Variants in PHLDB2 observed in about 807,000 individuals in gnomAD.
PHLDB2 encodes pleckstrin homology-like domain family B member 2.
Under a neutral mutation model 123.6 loss-of-function variants are expected in PHLDB2, and 71 were observed. The observed-to-expected ratio is 0.57, with a 90% CI of 0.47 to 0.70. PHLDB2 has a LOEUF of 0.70. Among genes scored for constraint, PHLDB2 ranks in the 30% least tolerant of loss-of-function variants. PHLDB2 has a pLI of 0.00. For synonymous variants in PHLDB2, 547 were observed against 541.6 expected (o/e 1.01, Z -0.14); for missense variants, 1,446 against 1,519.5 (o/e 0.95, Z 0.80).
intron 1 of PHLDB2, among the ~76,000 whole-genome samples, chr3:111,733,765 T>A (rs1179187724): frequency 6.6e-6 from 1 of 152,248 alleles, no homozygotes. Flanking sequence ...CTAATATGAT[T>A]CACTCTTCCT....
chr3:111,758,952 T>G (rs1322615404), intron 1 of PHLDB2, among the ~76,000 whole-genome samples: 1 of 152,090 alleles, frequency 6.6e-6, no homozygotes, highest in Non-Finnish European at 1.5e-5. Context: ...CCTATCAATA[T>G]GGGGCCCAGG....
chr3:111,808,145 A>G (rs1257023910), intron 1 of PHLDB2, among the ~76,000 whole-genome samples: 2 of 152,078 alleles, frequency 1.3e-5, no homozygotes, highest in Non-Finnish European at 2.9e-5. Flanking sequence ...ATGTAAAACC[A>G]TTGTAAAGAA....
chr3:111,953,497 G>A (rs1276388048), intron 11 of PHLDB2, among the ~76,000 whole-genome samples: 1 of 152,180 alleles, frequency 6.6e-6, no homozygotes, highest in Non-Finnish European at 1.5e-5. Flanking sequence ...GGTGTTAATA[G>A]ATTTCTTCAG....
intron 1 of PHLDB2, among the ~76,000 whole-genome samples, chr3:111,764,551 G>A (rs1255136083): frequency 1.3e-5 from 2 of 152,026 alleles, no homozygotes; most frequent in African/African-American, 4.8e-5. Flanking sequence ...ATGTGGTGAG[G>A]TTTTGCCAGA....
intron 1 of PHLDB2, among the ~76,000 whole-genome samples, chr3:111,816,777 G>A (rs2062095045): frequency 6.6e-6 from 1 of 152,158 alleles, no homozygotes; most frequent in African/African-American, 2.4e-5. Context: ...TGAGATTTGA[G>A]AGGGGCCAAC....
intron 1 of PHLDB2, among the ~76,000 whole-genome samples, chr3:111,765,560 T>TA (rs1428557278): frequency 6.6e-6 from 1 of 152,210 alleles, no homozygotes; most frequent in Non-Finnish European, 1.5e-5. Flanking sequence ...TTAGCTGACT[T>TA]AAAACGGAGA....
At chr3:111,878,260 T>A (rs2065748837) in intron 1 of PHLDB2, among the ~76,000 whole-genome samples, 1 of 152,200 alleles carries the variant, frequency 6.6e-6, no homozygotes, top group Non-Finnish European at 1.5e-5. Flanking sequence ...CTTGAAGAGG[T>A]TCTTCACATC....
chr3:111,772,974 C>T (rs2060204001), intron 1 of PHLDB2, among the ~76,000 whole-genome samples: 1 of 152,192 alleles, frequency 6.6e-6, no homozygotes, highest in Non-Finnish European at 1.5e-5. Flanking sequence ...TCCATTTCCA[C>T]TCATGTGCAA....
At chr3:111,901,355 G>T (rs1489802907) in intron 2 of PHLDB2, among the ~76,000 whole-genome samples, 1 of 136,980 alleles carries the variant, frequency 7.3e-6, no homozygotes, top group Non-Finnish European at 1.6e-5. Flanking sequence ...GTGAGACTCT[G>T]TCTCAAAAAA....
intron 13 of PHLDB2, 53 bp from the exon 14 acceptor site, chr3:111,966,556 TAGAG>T (rs1485593814): frequency 7.9e-5 from 91 of 1,145,994 alleles, no homozygotes; most frequent in African/African-American, 2.8e-4. Context: ...GTGTATGTAT[TAGAG>T]AGACTTCTCA....
At chr3:111,801,000 G>C (rs527362253) in intron 1 of PHLDB2, among the ~76,000 whole-genome samples, 6 of 152,144 alleles carry the variant, frequency 3.9e-5, no homozygotes, top group Non-Finnish European at 8.8e-5. Context: ...TTTAGACATA[G>C]AAGAGACCTT....
chr3:111,950,833 A>G (rs938187243), intron 10 of PHLDB2, among the ~76,000 whole-genome samples: 2 of 152,210 alleles, frequency 1.3e-5, no homozygotes, highest in Non-Finnish European at 2.9e-5. Context: ...ATGAAAGGAT[A>G]TTGGTGAAAG....
intron 3 of PHLDB2, chr3:111,916,515 A>G (rs1191072325): frequency 2.6e-5 from 4 of 152,248 alleles, no homozygotes; most frequent in Non-Finnish European, 1.5e-5. Context: ...AATGGAGAAG[A>G]GAGGAATGTG....
At chr3:111,961,086 A>C (rs1490815161) in intron 12 of PHLDB2, among the ~76,000 whole-genome samples, 2 of 152,308 alleles carry the variant, frequency 1.3e-5, no homozygotes, top group Non-Finnish European at 2.9e-5. Flanking sequence ...TAATCCCAGC[A>C]CTTTGGGAGG....
At chr3:111,958,772 A>G (rs1451472991) in intron 12 of PHLDB2, 1 of 452,312 alleles carries the variant, frequency 2.2e-6, no homozygotes. Flanking sequence ...TATTCTTGCT[A>G]CATAATTAAA....
chr3:111,906,209 A>G (rs1052716868), intron 2 of PHLDB2, among the ~76,000 whole-genome samples: 4 of 152,222 alleles, frequency 2.6e-5, no homozygotes, highest in African/African-American at 9.6e-5. Flanking sequence ...GAGTAAGTAC[A>G]CCCTGATGTT....
At chr3:111,845,376 A>C (rs1241064212) in intron 1 of PHLDB2, among the ~76,000 whole-genome samples, 1 of 150,146 alleles carries the variant, frequency 6.7e-6, no homozygotes, top group Non-Finnish European at 1.5e-5. Context: ...AAAAAAAAAA[A>C]AAAAAAAAAC....
intron 1 of PHLDB2, among the ~76,000 whole-genome samples, chr3:111,762,690 C>A (rs1240527958): frequency 6.6e-6 from 1 of 152,152 alleles, no homozygotes; most frequent in East Asian, 1.9e-4. Flanking sequence ...TACTGCTGTA[C>A]GTAGTTTGTG....
chr3:111,937,799 AAAGG>A (rs2069595198), intron 6 of PHLDB2, among the ~76,000 whole-genome samples: 4 of 151,994 alleles, frequency 2.6e-5, no homozygotes, highest in Admixed American at 2.6e-4. Context: ...TAAAAAAAAA[AAAGG>A]AAAAGAAAAA....
Sources: gnomAD v4.1 joint callset for allele counts (sites outside exome capture counted in the v4.1 genomes callset) on GRCh38, gnomAD v4.1.1 for gene constraint, MANE v1.5 for transcripts, NCBI Gene and HGNC (gene_info 2026-07-23, HGNC 2026-07-21) for gene names.